PRRC2B: variants seen among roughly 807,000 people sequenced by gnomAD.
PRRC2B encodes the protein proline rich coiled-coil 2B.
In PRRC2B, 68 loss-of-function variants were observed where a neutral mutation model predicts 242.3. The observed-to-expected ratio is 0.28, with a 90% CI of 0.23 to 0.34. The LOEUF (loss-of-function observed/expected upper bound fraction) is 0.34. Ranked by LOEUF, PRRC2B falls within the 10% of genes least tolerant of loss-of-function variation. The pLI, the probability that PRRC2B is intolerant of heterozygous loss-of-function variation, is 1.00. For missense variants in PRRC2B, 2,835 were observed against 2,954.8 expected (o/e 0.96, Z 0.94); for synonymous variants, 1,228 against 1,173.6 (o/e 1.05, Z -0.95).
In PRRC2B at chr9:131,475,973, T is replaced by G. The variant is rs1239392057; in HGVS notation, c.3844T>G (p.Phe1282Val). ...CAGCCGCGCGGAGGACAAGAGATCC[T>G]TCTTCCAAGATGAACACGTGGCAGA... ...EDSRAEDKRSFFQDEHVADSE... is the reference protein window; with the variant it reads ...EDSRAEDKRSVFQDEHVADSE... Residue 1282 changes from phenylalanine (F) to valine (V), a missense_variant, in exon 16 of 32, where the codon TTC becomes GTC. Physicochemically the swap from Phe to Val is conservative, Grantham distance 50 (BLOSUM62 -1). This residue lies in a region of PRRC2B where 1,536 missense variants were observed against 1,483.1 expected (regional missense o/e 1.04). Transcript: ENST00000683519. 6.2e-7 allele frequency: 1 copy of G among 1,611,430 alleles called. No individual in the cohort carries two copies. The highest frequency in any genetic ancestry group is 1.7e-5 in the Admixed American group (1 of 59,928).
intron 1 of PRRC2B, among the ~76,000 whole-genome samples, chr9:131,415,734 C>T (rs1178039497): frequency 6.6e-6 from 1 of 152,138 alleles, no homozygotes; most frequent in African/African-American, 2.4e-5. Flanking sequence ...TCTGATTGTT[C>T]CTCCCTGGGA....
intron 28 of PRRC2B, 69 bp from the exon 29 acceptor site, chr9:131,491,356 G>T: frequency 1.4e-6 from 2 of 1,434,752 alleles, no homozygotes; most frequent in Non-Finnish European, 1.9e-6. Context: ...ATGTGCGGTC[G>T]CTCTTTGGTG....
intron 25 of PRRC2B, chr9:131,485,700 C>T (rs748944871): frequency 1.8e-6 from 1 of 552,192 alleles, no homozygotes; most frequent in Non-Finnish European, 3.5e-6. Context: ...CCTTCTGACC[C>T]TCCACTGTGG....
chr9:131,446,353 C>A lies in PRRC2B; in HGVS notation c.614-48C>A, dbSNP rs1203754966. On this transcript the variant is annotated intron_variant, in intron 6 of 31. Coordinates refer to ENST00000683519, the MANE Select transcript of PRRC2B (RefSeq NM_013318.4). The surrounding 1 kb of genome is among the most constrained non-coding windows in gnomAD (Gnocchi z 4.1). The stretch of plus-strand genomic sequence containing the variant: ...CCTTCAGAACCTCATACGATCCCTC[C>A]TTCCCCCTCCTCTTCCCTCTCCCCT... 1.2e-6 allele frequency: 2 copies of A among 1,605,238 alleles called. No individual in the cohort carries two copies. Among genetic ancestry groups the A allele is most frequent in the Non-Finnish European group, 1.7e-6 (2 of 1,175,644 alleles).
At chr9:131,378,949 C>T (rs1171335167) in intron 1 of PRRC2B, among the ~76,000 whole-genome samples, 1 of 152,154 alleles carries the variant, frequency 6.6e-6, no homozygotes, top group Non-Finnish European at 1.5e-5. Context: ...GAACTCCTGA[C>T]CTCAAGTGAT....
chr9:131,487,764 T>A lies in PRRC2B; in HGVS notation c.5985-92T>A. 1 of 1,506,910 alleles carries A rather than the reference T, an allele frequency of 6.6e-7. No homozygotes were observed. The highest frequency in any genetic ancestry group is 8.9e-7 in the Non-Finnish European group (1 of 1,120,394). The allele number at this position is 1,506,910 out of a possible 1,614,324, so 93.3% of individuals were successfully genotyped here. A position where few individuals can be genotyped will look rare whatever the true frequency, so the allele number is the denominator to read the frequency against. ...GGGGGTGGGGCCGGGGATCTGTGGTTTAGCAAGCTCTCCGGGGATCTCTGA... is the reference window on the plus strand; with the variant it reads ...GGGGGTGGGGCCGGGGATCTGTGGTATAGCAAGCTCTCCGGGGATCTCTGA... On this transcript the variant is annotated intron_variant, in intron 27 of 31. Coordinates refer to ENST00000683519, the MANE Select transcript of PRRC2B (RefSeq NM_013318.4). This position sits in a 1 kb window ranked among gnomAD's most constrained non-coding sequence, Gnocchi z 5.3.
At chr9:131,444,155 T>A (rs1432872562) in intron 5 of PRRC2B, 30 bp from the exon 6 acceptor site, 4 of 1,612,882 alleles carry the variant, frequency 2.5e-6, no homozygotes, top group Non-Finnish European at 3.4e-6. Context: ...CCATCTCACT[T>A]CCTCCATGTC....
At chr9:131,476,600 A>G in intron 16 of PRRC2B, 65 bp downstream of exon 16, 3 of 1,445,210 alleles carry the variant, frequency 2.1e-6, no homozygotes, top group Non-Finnish European at 1.9e-6. Flanking sequence ...CACTGAGTTC[A>G]CGCATGCATG....
At position 131,477,813 on chromosome 9, in the gene PRRC2B, C is replaced by G. The variant is rs751952882; in HGVS notation, c.4476C>G (p.Ala1492=). ...GTGGGAGTGGCCACTCCCCCTATGC[C>G]CTGGAGCGGGCAGCCCATGCCAGTG... ...CSSGSGHSPY[A]LERAAHASAD... The change falls in exon 17 of 32, where the codon GCC becomes GCG. Residue 1492 remains alanine, a synonymous_variant. Transcript: ENST00000683519. The G allele has an allele frequency of 6.2e-7, 1 of 1,613,056 alleles. No individual in the cohort carries two copies. Among genetic ancestry groups the G allele is most frequent in the Non-Finnish European group, 8.5e-7 (1 of 1,179,544 alleles).
At chr9:131,472,351 T>G (rs1046942773) in intron 14 of PRRC2B, among the ~76,000 whole-genome samples, 1 of 152,040 alleles carries the variant, frequency 6.6e-6, no homozygotes, top group African/African-American at 2.4e-5. Flanking sequence ...GTCATGCAGG[T>G]TGGAGTGCAG....
At chr9:131,445,539 G>A (rs183942285) in intron 6 of PRRC2B, among the ~76,000 whole-genome samples, 36 of 152,340 alleles carry the variant, frequency 2.4e-4, no homozygotes, top group Middle Eastern at 3.4e-3. Context: ...CTATAAAAAC[G>A]TAGACATAGA....
intron 1 of PRRC2B, among the ~76,000 whole-genome samples, chr9:131,424,316 C>G (rs1331118839): frequency 6.6e-6 from 1 of 152,074 alleles, no homozygotes; most frequent in Non-Finnish European, 1.5e-5. Flanking sequence ...CTTGTCTAGG[C>G]CACTCCTTCA....
Position 131,495,670 on chromosome 9 carries a change from G to A in PRRC2B, c.6556-70G>A, listed in dbSNP as rs147452304. 257 of 1,540,218 alleles carry A rather than the reference G, an allele frequency of 1.7e-4. 1 individual carries two copies. The East Asian group carries it at 5.0e-3, about 30-fold the overall frequency. On this transcript the variant is annotated intron_variant, in intron 31 of 31. Transcript: ENST00000683519. Reference sequence around the variant, plus strand: ...GCAACTCAGGAGCAGGAAGGGAGTGGTGGGAACTATGTATCCAAACACGTT... The same window carrying A: ...GCAACTCAGGAGCAGGAAGGGAGTGATGGGAACTATGTATCCAAACACGTT...
intron 30 of PRRC2B, among the ~76,000 whole-genome samples, chr9:131,492,890 C>T (rs1474301002): frequency 1.3e-5 from 2 of 152,226 alleles, no homozygotes; most frequent in African/African-American, 4.8e-5. Context: ...GCAGCACGCT[C>T]TGGCCCTGGG....
At chr9:131,386,216 A>G (rs1836824429) in intron 1 of PRRC2B, among the ~76,000 whole-genome samples, 1 of 149,184 alleles carries the variant, frequency 6.7e-6, no homozygotes, top group African/African-American at 2.4e-5. Flanking sequence ...GGGCTCAAGC[A>G]ATCCTCCCAC....
intron 1 of PRRC2B, among the ~76,000 whole-genome samples, chr9:131,397,382 G>T (rs916153300): frequency 2.6e-5 from 4 of 152,136 alleles, no homozygotes; most frequent in Admixed American, 2.0e-4. Flanking sequence ...AGGAAACCTC[G>T]GGAGAGTGGA....
At chr9:131,436,108 A>T (rs1323877930) in intron 3 of PRRC2B, among the ~76,000 whole-genome samples, 1 of 152,226 alleles carries the variant, frequency 6.6e-6, no homozygotes, top group Non-Finnish European at 1.5e-5. Flanking sequence ...CCAGTGATTG[A>T]ATTTCCCTAT....
intron 1 of PRRC2B, among the ~76,000 whole-genome samples, chr9:131,423,579 A>G (rs1248184186): frequency 5.3e-5 from 8 of 152,214 alleles, no homozygotes; most frequent in African/African-American, 1.9e-4. Flanking sequence ...ATTCTGGTTT[A>G]TTTTGGAGTT....
intron 1 of PRRC2B, among the ~76,000 whole-genome samples, chr9:131,395,893 C>A (rs1412765828): frequency 1.3e-5 from 2 of 152,114 alleles, no homozygotes; most frequent in Non-Finnish European, 2.9e-5. Context: ...GTACGAGATG[C>A]TCAGGACAAA....
Sources: gnomAD v4.1 joint callset for allele counts (sites outside exome capture counted in the v4.1 genomes callset) on GRCh38, gnomAD v4.1.1 for gene constraint, gnomAD v4.1.1 regional missense constraint, Gnocchi (gnomAD v3.1) non-coding constraint, MANE v1.5 for transcripts, NCBI Gene and HGNC (gene_info 2026-07-23, HGNC 2026-07-21) for gene names.